INTS2: variants seen among roughly 807,000 people sequenced by gnomAD.
INTS2 encodes the protein KIAA1287.
In INTS2, 57 loss-of-function variants were observed where a neutral mutation model predicts 139.6. The observed-to-expected ratio is 0.41, with a 90% CI of 0.33 to 0.51. INTS2 has a LOEUF of 0.51. INTS2 is among the 20% of genes least tolerant of loss of function. The pLI is 0.28. For synonymous variants in INTS2, 473 were observed against 493.4 expected (o/e 0.96, Z 0.55); for missense variants, 1,196 against 1,436.7 (o/e 0.83, Z 2.71).
intron 12 of INTS2, 115 bp downstream of exon 12, chr17:61,895,200 T>A: frequency 1.6e-6 from 1 of 615,836 alleles, no homozygotes. Context: ...TAAATCATCA[T>A]GAGTTTAAAA....
Position 61,871,184 on chromosome 17 carries a change from G to A in INTS2, c.2778+1081C>T, listed in dbSNP as rs757036573. 1.5e-4 allele frequency among the ~76,000 whole-genome samples: 23 copies of A among 152,086 alleles called. No individual in the cohort carries two copies. Among genetic ancestry groups the A allele is most frequent in the Non-Finnish European group, 1.6e-4 (11 of 68,010 alleles). On this transcript the variant is annotated intron_variant, in intron 20 of 24. Transcript: ENST00000251334. The surrounding 1 kb of genome is among the most constrained non-coding windows in gnomAD (Gnocchi z 4.9). ...CGCCCAGGCTGTAGTGCAGAGGCACGATCTCAGCTCACTGCAACCTCCGCC... is the reference window on the plus strand; with the variant it reads ...CGCCCAGGCTGTAGTGCAGAGGCACAATCTCAGCTCACTGCAACCTCCGCC...
intron 16 of INTS2, among the ~76,000 whole-genome samples, chr17:61,881,612 T>C (rs1009708459): frequency 2.6e-5 from 4 of 152,068 alleles, no homozygotes; most frequent in Non-Finnish European, 4.4e-5. Context: ...AAAAAAAGAA[T>C]GATTAGAGCA....
rs896715140 is a variant in INTS2 at position 61,899,255 on chromosome 17, C to CT, written c.1308-1517dup. Among the ~76,000 whole-genome samples the CT allele has an allele frequency of 2.5e-4, 38 of 151,260 alleles. No individual in the cohort carries two copies. In the East Asian group the frequency reaches 6.5e-3, roughly 26 times the overall value. ...CACTGTAGCTCTCAAATGTTAAGAA[C>CT]TTTTTTTTTGTTTTTGAGAAGTTTC... On this transcript the variant is annotated intron_variant, in intron 9 of 24. Transcript: ENST00000251334.
rs1348300268 is a variant in INTS2 at position 61,893,439 on chromosome 17, T to G, written c.1698+326A>C. Among the ~76,000 whole-genome samples the G allele has an allele frequency of 6.6e-6, 1 of 152,194 alleles. No homozygotes were observed. The highest frequency in any genetic ancestry group is 1.9e-4 in the East Asian group (1 of 5,198). Reference sequence around the variant, plus strand: ...GGCCAGGCACAGTGGCTCACGCCTGTAATCCCAGCACTTTGGTCGGTTGAG... The same window carrying G: ...GGCCAGGCACAGTGGCTCACGCCTGGAATCCCAGCACTTTGGTCGGTTGAG... On this transcript the variant is annotated intron_variant, in intron 13 of 24. Transcript: ENST00000251334. The surrounding 1 kb of genome is among the most constrained non-coding windows in gnomAD (Gnocchi z 5.4).
At chr17:61,887,300 T>C (rs1259360099) in intron 15 of INTS2, among the ~76,000 whole-genome samples, 1 of 151,920 alleles carries the variant, frequency 6.6e-6, no homozygotes, top group Non-Finnish European at 1.5e-5. Context: ...CTCACCAACA[T>C]GGTAAAACCC....
intron 15 of INTS2, among the ~76,000 whole-genome samples, chr17:61,886,075 A>T (rs1187162983): frequency 6.6e-6 from 1 of 150,826 alleles, no homozygotes; most frequent in African/African-American, 2.4e-5. Context: ...TTTCCCTGAG[A>T]TGAGTCACTC....
chr17:61,894,772 C>T (rs534813958), intron 12 of INTS2, among the ~76,000 whole-genome samples: 1 of 151,876 alleles, frequency 6.6e-6, no homozygotes, highest in East Asian at 1.9e-4. Flanking sequence ...TGCTCCAACC[C>T]AGGAGGCAGA....
At position 61,876,789 on chromosome 17, in the gene INTS2, G is replaced by A. The variant is rs1040988928; in HGVS notation, c.2456+1098C>T. Reference sequence around the variant, plus strand: ...TATCTGATGTGTTATGATTAAGTGTGAAGTAAATTTCCCCTCAATAATGAA... The same window carrying A: ...TATCTGATGTGTTATGATTAAGTGTAAAGTAAATTTCCCCTCAATAATGAA... On this transcript the variant is annotated intron_variant, in intron 18 of 24. Transcript: ENST00000251334. The surrounding 1 kb of genome is among the most constrained non-coding windows in gnomAD (Gnocchi z 4.1). 1.3e-5 allele frequency among the ~76,000 whole-genome samples: 2 copies of A among 152,086 alleles called. No homozygotes were observed. The highest frequency in any genetic ancestry group is 2.4e-5 in the African/African-American group (1 of 41,410).
chr17:61,908,679 G>C (rs534654479), intron 7 of INTS2, among the ~76,000 whole-genome samples: 2 of 152,180 alleles, frequency 1.3e-5, no homozygotes, highest in Non-Finnish European at 2.9e-5. Flanking sequence ...ATAACAGTAA[G>C]TTCAAAGAAT....
Position 61,927,905 on chromosome 17 carries a change from C to A in INTS2, c.-270G>T. ...AACCGGGACTGTAGGAACGGAAAAG[C>A]GGGAGACTTTTTCAACCTGCACCCA... On this transcript the variant is annotated 5_prime_UTR_variant, in exon 1 of 25. Coordinates refer to ENST00000251334, the MANE Select transcript of INTS2 (RefSeq NM_001351695.2). 6.2e-7 allele frequency: 1 copy of A among 1,613,902 alleles called. No homozygotes were observed.
intron 5 of INTS2, among the ~76,000 whole-genome samples, chr17:61,915,816 T>TGA (rs1555625974): frequency 1.6e-5 from 1 of 64,190 alleles, no homozygotes; most frequent in African/African-American, 5.9e-5. Context: ...AGACTCTGTC[T>TGA]AAAAAAAAAA....
At chr17:61,889,949 T>C (rs574240999) in intron 14 of INTS2, 55 bp from the exon 15 acceptor site, 1 of 1,082,836 alleles carries the variant, frequency 9.2e-7, no homozygotes, top group African/African-American at 1.6e-5. Flanking sequence ...GAGTGCTTTT[T>C]TTTTTCTTGA....
At chr17:61,924,571 C>G (rs1310780578) in intron 3 of INTS2, among the ~76,000 whole-genome samples, 1 of 152,186 alleles carries the variant, frequency 6.6e-6, no homozygotes, top group African/African-American at 2.4e-5. Context: ...GTAATCCCAA[C>G]ACTTTGGGAG....
rs1355086895 is a variant in INTS2 at position 61,907,625 on chromosome 17, C to G, written c.964G>C (p.Glu322Gln). The change falls in exon 8 of 25, where the codon GAG becomes CAG. Residue 322 changes from glutamate (E) to glutamine (Q), a missense_variant. Coordinates refer to ENST00000251334, the MANE Select transcript of INTS2 (RefSeq NM_001351695.2). ...FIRNGQQRKR[E>Q]TSSSVLWQMR... ...TGCCAAAGGACAGAACTGCTGGTCT[C>G]TCTTTTTCTCTGAAAGAAATATGGA... 5 of 1,576,322 alleles carry G rather than the reference C, an allele frequency of 3.2e-6. No homozygotes were observed. Among genetic ancestry groups the G allele is most frequent in the Non-Finnish European group, 4.3e-6 (5 of 1,159,640 alleles).
chr17:61,882,281 C>T lies in INTS2; in HGVS notation c.2090-1110G>A, dbSNP rs1479257671. Among the ~76,000 whole-genome samples the T allele has an allele frequency of 3.9e-5, 6 of 152,282 alleles. No individual in the cohort carries two copies. In the East Asian group the frequency reaches 1.2e-3, roughly 29 times the overall value. ...CATATGTCAGCCAAGAGAAGCAGTA[C>T]TGATGATACCCACAATGGGGGGCAT... On this transcript the variant is annotated intron_variant, in intron 16 of 24. Transcript: ENST00000251334. This position sits in a 1 kb window ranked among gnomAD's most constrained non-coding sequence, Gnocchi z 4.7.
intron 8 of INTS2, among the ~76,000 whole-genome samples, chr17:61,906,072 C>T (rs926555546): frequency 3.9e-5 from 6 of 152,112 alleles, no homozygotes; most frequent in Admixed American, 2.6e-4. Context: ...AAAACTGTTT[C>T]CATGTTTTGG....
chr17:61,919,061 A>G (rs1239634185), intron 5 of INTS2, among the ~76,000 whole-genome samples: 1 of 151,786 alleles, frequency 6.6e-6, no homozygotes, highest in Non-Finnish European at 1.5e-5. Flanking sequence ...AGTAGCTGGG[A>G]CTACAGGCAC....
intron 11 of INTS2, among the ~76,000 whole-genome samples, chr17:61,895,721 C>T (rs1487299124): frequency 6.6e-6 from 1 of 151,878 alleles, no homozygotes; most frequent in Non-Finnish European, 1.5e-5. Context: ...TATATACGCA[C>T]ATATACACAC....
At chr17:61,917,630 G>A (rs1328442533) in intron 5 of INTS2, among the ~76,000 whole-genome samples, 2 of 152,104 alleles carry the variant, frequency 1.3e-5, no homozygotes, top group African/African-American at 2.4e-5. Flanking sequence ...CTACCAGTGG[G>A]GAGGAAGAAA....
Sources: allele counts gnomAD v4.1 joint callset (sites outside exome capture counted in the v4.1 genomes callset), GRCh38; gene constraint gnomAD v4.1.1; non-coding constraint Gnocchi (gnomAD v3.1); transcripts MANE v1.5; gene names NCBI Gene and HGNC (gene_info 2026-07-23, HGNC 2026-07-21).